Variants in ADAMTS18 observed in about 807,000 individuals in gnomAD.
The protein encoded by ADAMTS18 is A disintegrin and metalloproteinase with thrombospondin motifs 18.
Under a neutral mutation model 165.9 loss-of-function variants are expected in ADAMTS18, and 157 were observed. That is an observed-to-expected ratio of 0.95 (90% CI 0.83 to 1.08). ADAMTS18 has a LOEUF of 1.08. ADAMTS18 is among the 50% of genes least tolerant of loss of function. The probability of loss-of-function intolerance (pLI) is 0.00; values close to 1 mark genes in which losing one functional copy is unlikely to be tolerated. For missense variants in ADAMTS18, 2,040 were observed against 1,534.0 expected (o/e 1.33, Z -5.51); for synonymous variants, 782 against 578.2 (o/e 1.35, Z -5.06).
chr16:77,375,367 G>T lies in ADAMTS18; in HGVS notation c.496-7644C>A, dbSNP rs1274789751. On this transcript the variant is annotated intron_variant, in intron 3 of 22. Coordinates refer to ENST00000282849, the MANE Select transcript of ADAMTS18 (RefSeq NM_199355.4). ...ACCGCACTCCGGCCTGGGTGAAAGA[G>T]AGAGAGTCCATCTCAAAAAAATAAA... Among the ~76,000 whole-genome samples, 4 of 152,100 alleles carry T rather than the reference G, an allele frequency of 2.6e-5. No homozygotes were observed. In the East Asian group the frequency reaches 7.7e-4, roughly 29 times the overall value.
intron 3 of ADAMTS18, among the ~76,000 whole-genome samples, chr16:77,415,528 T>C (rs992975453): frequency 6.6e-6 from 1 of 152,134 alleles, no homozygotes; most frequent in African/African-American, 2.4e-5. Flanking sequence ...TTGATTTTTA[T>C]TGGCACCGAT....
At chr16:77,320,883 G>A (rs893254171) in intron 15 of ADAMTS18, among the ~76,000 whole-genome samples, 196 bp downstream of exon 15, 1 of 152,154 alleles carries the variant, frequency 6.6e-6, no homozygotes, top group Admixed American at 6.5e-5. Flanking sequence ...CATTTATTTG[G>A]CATGTTTCTA....
chr16:77,288,822 A>ACTAG (rs2055305638), intron 22 of ADAMTS18, among the ~76,000 whole-genome samples: 1 of 152,170 alleles, frequency 6.6e-6, no homozygotes, highest in African/African-American at 2.4e-5. Context: ...AAACAAGATC[A>ACTAG]CTAGGATAGG....
chr16:77,311,102 A>G (rs1249330507), intron 16 of ADAMTS18, among the ~76,000 whole-genome samples: 1 of 136,246 alleles, frequency 7.3e-6, no homozygotes, highest in African/African-American at 3.5e-5. Flanking sequence ...TATGAAAGGG[A>G]AAAAAAAGAG....
At chr16:77,294,855 G>A (rs2055435171) in intron 19 of ADAMTS18, 68 bp downstream of exon 19, 2 of 1,483,308 alleles carry the variant, frequency 1.3e-6, no homozygotes, top group Admixed American at 3.5e-5. Context: ...CCAGTGGAGA[G>A]CAAAGACACC....
rs114654803 is a variant in ADAMTS18, at chr16:77,374,175, C to T, written c.496-6452G>A. On this transcript the variant is annotated intron_variant, in intron 3 of 22. Transcript: ENST00000282849. ...AGCAGTTTGCAGCGCACTGAGATTG[C>T]ACCACTACATTCCAACCTGGGCAAC... Among the ~76,000 whole-genome samples, 1,404 of 149,892 alleles carry T rather than the reference C, an allele frequency of 9.4e-3. 24 individuals carry two copies. The highest frequency in any genetic ancestry group is 0.033 in the African/African-American group (1,334 of 40,590).
chr16:77,320,102 A>C lies in ADAMTS18; in HGVS notation c.2288-9T>G. On this transcript the variant is annotated splice_polypyrimidine_tract_variant and intron_variant, in intron 15 of 22. Transcript: ENST00000282849. ...GACCACCGGATAATATTCTAAATGG[A>C]AAGAAGAGAACATGTCTGAATTCCA... is the stretch of plus-strand genomic sequence containing the variant. 6.2e-7 allele frequency: 1 copy of C among 1,614,100 alleles called. No homozygotes were observed. Among genetic ancestry groups the C allele is most frequent in the Non-Finnish European group, 8.5e-7 (1 of 1,179,994 alleles).
chr16:77,354,410 A>C (rs1161427074), intron 9 of ADAMTS18, among the ~76,000 whole-genome samples: 2 of 152,210 alleles, frequency 1.3e-5, no homozygotes, highest in African/African-American at 4.8e-5. Context: ...TTCCTAAAGA[A>C]TCAAGAGGAA....
chr16:77,388,565 T>G (rs545997153), intron 3 of ADAMTS18, among the ~76,000 whole-genome samples: 369 of 152,308 alleles, frequency 2.4e-3, no homozygotes, highest in Non-Finnish European at 4.0e-3. Context: ...TTTTTGTGCC[T>G]CAGTTTATTG....
intron 3 of ADAMTS18, among the ~76,000 whole-genome samples, chr16:77,413,688 C>G (rs1361325890): frequency 6.7e-6 from 1 of 149,886 alleles, no homozygotes; most frequent in Non-Finnish European, 1.5e-5. Flanking sequence ...ATTTAGTATA[C>G]TTAAATATGT....
intron 16 of ADAMTS18, among the ~76,000 whole-genome samples, chr16:77,301,356 C>T (rs1021862205): frequency 5.9e-5 from 9 of 151,986 alleles, no homozygotes; most frequent in Admixed American, 4.6e-4. Context: ...GTAAAGCCAC[C>T]AACCAAAATG....
chr16:77,394,356 C>T (rs750903322), intron 3 of ADAMTS18, among the ~76,000 whole-genome samples: 1 of 152,086 alleles, frequency 6.6e-6, no homozygotes, highest in Non-Finnish European at 1.5e-5. Flanking sequence ...GTTATATATC[C>T]TCTCCGAGCT....
intron 16 of ADAMTS18, among the ~76,000 whole-genome samples, chr16:77,313,752 A>T (rs2055828922): frequency 6.6e-6 from 1 of 152,154 alleles, no homozygotes; most frequent in Admixed American, 6.5e-5. Context: ...TTTGAGGTGG[A>T]TCGAAGGCCT....
chr16:77,414,403 C>T (rs1308593936), intron 3 of ADAMTS18, among the ~76,000 whole-genome samples: 2 of 152,082 alleles, frequency 1.3e-5, no homozygotes, highest in South Asian at 2.1e-4. Flanking sequence ...ACTCTGAAGA[C>T]TCATGTGAAA....
chr16:77,325,125 C>G (rs970229706), intron 13 of ADAMTS18, among the ~76,000 whole-genome samples: 1 of 152,206 alleles, frequency 6.6e-6, no homozygotes, highest in African/African-American at 2.4e-5. Context: ...TAAACTTAGT[C>G]TCTTTCCATT....
chr16:77,311,880 A>G (rs1025690305), intron 16 of ADAMTS18, among the ~76,000 whole-genome samples: 5 of 152,218 alleles, frequency 3.3e-5, no homozygotes, highest in Non-Finnish European at 7.3e-5. Flanking sequence ...ATGAGTGCAT[A>G]AAGAAAGATT....
rs1024127844 is a variant in ADAMTS18, at chr16:77,295,198, A to C, written c.2802-71T>G. 5.3e-6 allele frequency: 8 copies of C among 1,523,576 alleles called. No homozygotes were observed. The African/African-American group carries it at 9.6e-5, about 18-fold the overall frequency. The allele number at this position is 1,523,576 out of a possible 1,614,324, so 94.4% of individuals were successfully genotyped here. On this transcript the variant is annotated intron_variant, in intron 18 of 22. Transcript: ENST00000282849. Reference sequence around the variant, plus strand: ...GATAACTTCCAAAGCAGTTACTGTGAAAGGTAAACCACCTATGGAAGCCAT... The same window carrying C: ...GATAACTTCCAAAGCAGTTACTGTGCAAGGTAAACCACCTATGGAAGCCAT...
chr16:77,359,564 AAAG>A, intron 7 of ADAMTS18, 141 bp from the exon 8 acceptor site: 4 of 671,444 alleles, frequency 6.0e-6, no homozygotes, highest in South Asian at 5.2e-5. Flanking sequence ...AAAAAAAAAA[AAAG>A]ATCTATAGTT....
At chr16:77,424,818 T>G (rs375643648) in intron 3 of ADAMTS18, among the ~76,000 whole-genome samples, 117 of 152,332 alleles carry the variant, frequency 7.7e-4, no homozygotes, top group East Asian at 2.1e-3. Context: ...AATCCTTAAC[T>G]TCACATGATC....
Sources: gnomAD v4.1 joint callset for allele counts (sites outside exome capture counted in the v4.1 genomes callset) on GRCh38, gnomAD v4.1.1 for gene constraint, MANE v1.5 for transcripts, NCBI Gene and HGNC (gene_info 2026-07-23, HGNC 2026-07-21) for gene names.